The following P2RX1 variants were observed in gnomAD, a reference collection of about 807,000 sequenced individuals.
P2RX1 encodes P2X purinoceptor 1.
In P2RX1, 42 loss-of-function variants were observed where a neutral mutation model predicts 50.3. That is an observed-to-expected ratio of 0.83 (90% CI 0.65 to 1.08). The LOEUF is 1.08. P2RX1 is among the 50% of genes least tolerant of loss of function. The pLI is 0.00. For synonymous variants in P2RX1, 199 were observed against 202.6 expected (o/e 0.98, Z 0.15); for missense variants, 449 against 529.0 (o/e 0.85, Z 1.48).
chr17:3,903,598 A>G lies in P2RX1; in HGVS notation c.558T>C (p.Thr186=). Reference sequence around the variant, plus strand: ...AGCTGATGCTGTTCTTGATGAAAAGAGTGAAGTTCTCGGCCTCTCGGAGAA... The same window carrying G: ...AGCTGATGCTGTTCTTGATGAAAAGGGTGAAGTTCTCGGCCTCTCGGAGAA... ...PALLREAENF[T]LFIKNSISFP... is the part of the protein sequence containing the mutation. The change falls in exon 6 of 12, where the codon ACT becomes ACC. Residue 186 remains threonine, a synonymous_variant. Transcript: ENST00000225538. This position sits in a 1 kb window ranked among gnomAD's most constrained non-coding sequence, Gnocchi z 4.6. 6.2e-7 allele frequency: 1 copy of G among 1,614,186 alleles called. No homozygotes were observed. Among genetic ancestry groups the G allele is most frequent in the Non-Finnish European group, 8.5e-7 (1 of 1,180,028 alleles).
At chr17:3,915,536 A>C (rs2325788) in intron 1 of P2RX1, 1 of 456,478 alleles carries the variant, frequency 2.2e-6, no homozygotes, top group Admixed American at 2.3e-5. Flanking sequence ...GACCAGAACC[A>C]ATCTCTGTCC....
Position 3,904,014 on chromosome 17 carries a change from C to G in P2RX1, c.438G>C (p.Thr146=), listed in dbSNP as rs139091182. 5.0e-6 allele frequency: 8 copies of G among 1,613,848 alleles called. No homozygotes were observed. The highest frequency in any genetic ancestry group is 1.7e-6 in the Non-Finnish European group (2 of 1,179,920). ...TGTCGTTGAAGGCCACACACTTGCCCGTGCGGATGCCTGGAGCCAGAGGGA... is the reference window on the plus strand; with the variant it reads ...TGTCGTTGAAGGCCACACACTTGCCGGTGCGGATGCCTGGAGCCAGAGGGA... ...KAKRKAQGIR[T]GKCVAFNDTV... The change falls in exon 5 of 12, where the codon ACG becomes ACC. Residue 146 remains threonine, a synonymous_variant. Coordinates refer to ENST00000225538, the MANE Select transcript of P2RX1 (RefSeq NM_002558.4).
chr17:3,907,474 C>A (rs2056289326), intron 1 of P2RX1, among the ~76,000 whole-genome samples: 1 of 152,068 alleles, frequency 6.6e-6, no homozygotes, highest in African/African-American at 2.4e-5. Flanking sequence ...CCTGCTCCTT[C>A]CCCCAGGGCT....
In P2RX1 at chr17:3,916,296, C is replaced by T. The variant is rs1253770360; in HGVS notation, c.-71G>A. 6.5e-7 allele frequency: 1 copy of T among 1,548,864 alleles called. No homozygotes were observed. The highest frequency in any genetic ancestry group is 2.3e-5 in the East Asian group (1 of 44,284). On this transcript the variant is annotated 5_prime_UTR_variant, in exon 1 of 12. Coordinates refer to ENST00000225538, the MANE Select transcript of P2RX1 (RefSeq NM_002558.4). ...GCTCTCAGGGTGAGCCGGGTGCCACCACCCACGTCGATGGTAGAGCTTCTG... is the reference window on the plus strand; with the variant it reads ...GCTCTCAGGGTGAGCCGGGTGCCACTACCCACGTCGATGGTAGAGCTTCTG...
rs983603505 is a variant in P2RX1, at chr17:3,914,915, A to G, written c.137+1174T>C. On this transcript the variant is annotated intron_variant, in intron 1 of 11. Transcript: ENST00000225538. The surrounding 1 kb of genome is among the most constrained non-coding windows in gnomAD (Gnocchi z 4.1). Reference sequence around the variant, plus strand: ...AAGGCTGGGGTCTGGCCCTGGGTCCACCTGGCCGGCTCTGAGGTTCTGGGG... The same window carrying G: ...AAGGCTGGGGTCTGGCCCTGGGTCCGCCTGGCCGGCTCTGAGGTTCTGGGG... 2.6e-5 allele frequency among the ~76,000 whole-genome samples: 4 copies of G among 152,038 alleles called. No individual in the cohort carries two copies. Among genetic ancestry groups the G allele is most frequent in the Admixed American group, 6.6e-5 (1 of 15,250 alleles).
intron 4 of P2RX1, 90 bp from the exon 5 acceptor site, chr17:3,904,114 C>T (rs1311414308): frequency 8.5e-7 from 1 of 1,176,292 alleles, no homozygotes; most frequent in Non-Finnish European, 1.3e-6. Flanking sequence ...TGACGGGCCA[C>T]TCAAGCAAAG....
chr17:3,909,573 G>A (rs1163611825), intron 1 of P2RX1, among the ~76,000 whole-genome samples: 2 of 152,158 alleles, frequency 1.3e-5, no homozygotes, highest in African/African-American at 4.8e-5. Context: ...TGAGCCGGGT[G>A]TGGTGGCTCA....
chr17:3,915,566 T>G (rs558190687), intron 1 of P2RX1: 144 of 456,602 alleles, frequency 3.2e-4, no homozygotes, highest in Admixed American at 1.6e-3. Context: ...CATGCCAACA[T>G]GAAGGCACCA....
intron 1 of P2RX1, among the ~76,000 whole-genome samples, chr17:3,907,619 C>T (rs747019405): frequency 6.6e-6 from 1 of 152,188 alleles, no homozygotes; most frequent in East Asian, 1.9e-4. Flanking sequence ...TCTAAGCCCC[C>T]TCTCACCTTG....
intron 7 of P2RX1, among the ~76,000 whole-genome samples, chr17:3,901,247 T>G (rs1050705318): frequency 1.3e-5 from 2 of 152,146 alleles, no homozygotes; most frequent in Admixed American, 6.5e-5. Context: ...TTTTATATTT[T>G]TAGTAGAGAC....
chr17:3,903,998 A>G lies in P2RX1; in HGVS notation c.454T>C (p.Phe152Leu). ...TCACACGTCTTCACAGTGTCGTTGA[A>G]GGCCACACACTTGCCCGTGCGGATG... is the stretch of plus-strand genomic sequence containing the variant. Reference protein sequence around the residue: ...QGIRTGKCVAFNDTVKTCEIF... With the variant: ...QGIRTGKCVALNDTVKTCEIF... The change falls in exon 5 of 12, where the codon TTC becomes CTC. Residue 152 changes from phenylalanine (F) to leucine (L), a missense_variant. By Grantham distance (22) the Phe-to-Leu change is conservative. Transcript: ENST00000225538. The surrounding 1 kb of genome is among the most constrained non-coding windows in gnomAD (Gnocchi z 4.6). The G allele has an allele frequency of 1.2e-6, 2 of 1,614,082 alleles. No individual in the cohort carries two copies. The highest frequency in any genetic ancestry group is 8.5e-7 in the Non-Finnish European group (1 of 1,179,990).
Position 3,904,947 on chromosome 17 carries a change from G to T in P2RX1, c.286-18C>A. 7.4e-7 allele frequency: 1 copy of T among 1,342,944 alleles called. No homozygotes were observed. Among genetic ancestry groups the T allele is most frequent in the Non-Finnish European group, 1.1e-6 (1 of 949,694 alleles). 83.2% of individuals were successfully genotyped at this position (1,342,944 alleles called of 1,614,324 possible). The stretch of plus-strand genomic sequence containing the variant: ...TTGTCCCCCTAGAAGTGAGGGGCAG[G>T]GGGAGGGTGGGGTGGGCTGGGAGCT... On this transcript the variant is annotated intron_variant, in intron 2 of 11. Coordinates refer to ENST00000225538, the MANE Select transcript of P2RX1 (RefSeq NM_002558.4).
chr17:3,897,757 C>T lies in P2RX1; in HGVS notation c.*57G>A, dbSNP rs544752674. The T allele has an allele frequency of 6.5e-7, 1 of 1,542,576 alleles. No individual in the cohort carries two copies. The highest frequency in any genetic ancestry group is 1.4e-5 in the African/African-American group (1 of 73,408). On this transcript the variant is annotated 3_prime_UTR_variant, in exon 12 of 12. Coordinates refer to ENST00000225538, the MANE Select transcript of P2RX1 (RefSeq NM_002558.4). ...GCCCCTCTGCCCTGGCTGGGACCCACCAGGGCTCCAGGCTGAAGCCTCACG... is the reference window on the plus strand; with the variant it reads ...GCCCCTCTGCCCTGGCTGGGACCCATCAGGGCTCCAGGCTGAAGCCTCACG...
Position 3,903,116 on chromosome 17 carries a change from C to G in P2RX1, c.747+86G>C, listed in dbSNP as rs868305287. On this transcript the variant is annotated intron_variant, in intron 7 of 11. Transcript: ENST00000225538. The surrounding 1 kb of genome is among the most constrained non-coding windows in gnomAD (Gnocchi z 4.6). ...ATATACTCAGCCCTCACCGAGGAGA[C>G]TTGGGAAGATGAACTGGGCCTAAAA... The G allele has an allele frequency of 1.1e-4, 169 of 1,586,112 alleles. No homozygotes were observed. In the African/African-American group the frequency reaches 2.1e-3, roughly 19 times the overall value.
intron 1 of P2RX1, among the ~76,000 whole-genome samples, chr17:3,908,484 C>A (rs1416919703): frequency 6.6e-6 from 1 of 152,178 alleles, no homozygotes; most frequent in African/African-American, 2.4e-5. Context: ...CTCACTTGAA[C>A]CTCAGAGGCG....
intron 1 of P2RX1, among the ~76,000 whole-genome samples, 165 bp from the exon 2 acceptor site, chr17:3,905,532 C>T (rs2056247105): frequency 6.6e-6 from 1 of 152,208 alleles, no homozygotes. Flanking sequence ...CGCTGCTGGC[C>T]TGGGCCTGAA....
In P2RX1 at chr17:3,903,123, A is replaced by C; in HGVS notation, c.747+79T>G. The C allele has an allele frequency of 6.3e-7, 1 of 1,593,846 alleles. No homozygotes were observed. The highest frequency in any genetic ancestry group is 8.6e-7 in the Non-Finnish European group (1 of 1,167,266). On this transcript the variant is annotated intron_variant, in intron 7 of 11. Transcript: ENST00000225538. This position sits in a 1 kb window ranked among gnomAD's most constrained non-coding sequence, Gnocchi z 4.6. ...CAGCCCTCACCGAGGAGACTTGGGA[A>C]GATGAACTGGGCCTAAAAAGCCTTT...
rs568452181 is a variant in P2RX1, at chr17:3,897,588, G to A, written c.*226C>T. On this transcript the variant is annotated 3_prime_UTR_variant, in exon 12 of 12. Transcript: ENST00000225538. ...GCCCCAGCCATTCCCCACCAGGAGCGGCTGAGGCTAGGGTAGGGCTCCCTC... is the reference window on the plus strand; with the variant it reads ...GCCCCAGCCATTCCCCACCAGGAGCAGCTGAGGCTAGGGTAGGGCTCCCTC... The A allele has an allele frequency of 1.7e-4, 99 of 593,700 alleles. No homozygotes were observed. The highest frequency in any genetic ancestry group is 4.5e-4 in the Middle Eastern group (1 of 2,220). 36.8% of individuals were successfully genotyped at this position (593,700 alleles called of 1,614,324 possible).
intron 2 of P2RX1, 34 bp from the exon 3 acceptor site, chr17:3,904,963 G>GGGGGGGGGGGGGGC: frequency 2.3e-6 from 1 of 435,316 alleles, no homozygotes. Context: ...GGTGGGGTGG[G>GGGGGGGGGGGGGGC]CTGGGAGCTG....
Sources: allele counts gnomAD v4.1 joint callset (sites outside exome capture counted in the v4.1 genomes callset), GRCh38; gene constraint gnomAD v4.1.1; non-coding constraint Gnocchi (gnomAD v3.1); transcripts MANE v1.5; gene names NCBI Gene and HGNC (gene_info 2026-07-23, HGNC 2026-07-21).